PAG1: variants seen among roughly 807,000 people sequenced by gnomAD.
The protein encoded by PAG1 is phosphoprotein membrane anchor with glycosphingolipid microdomains 1, also known as phosphoprotein associated with glycosphingolipid-enriched microdomains 1.
In PAG1, 23 loss-of-function variants were observed where a neutral mutation model predicts 31.7. The ratio of observed to expected loss-of-function variants is 0.73; its 90% CI spans 0.52 to 1.03. PAG1 has a LOEUF of 1.03. Ranked by LOEUF, PAG1 falls within the 50% of genes least tolerant of loss-of-function variation. The pLI, the probability that PAG1 is intolerant of heterozygous loss-of-function variation, is 0.00. For synonymous variants in PAG1, 214 were observed against 210.3 expected, an observed-to-expected ratio of 1.02 and a Z score of -0.15; for missense variants, 473 against 540.7, an observed-to-expected ratio of 0.87 and a Z score of 1.24.
At chr8:81,019,162 G>C (rs1288733394) in intron 3 of PAG1, among the ~76,000 whole-genome samples, 2 of 152,142 alleles carry the variant, frequency 1.3e-5, no homozygotes, top group African/African-American at 4.8e-5. Context: ...TAGGATATCT[G>C]GTTGAAGAAA....
chr8:81,009,456 T>C (rs1807942370), intron 3 of PAG1, among the ~76,000 whole-genome samples: 1 of 152,172 alleles, frequency 6.6e-6, no homozygotes, highest in South Asian at 2.1e-4. Flanking sequence ...AAACTAACCT[T>C]AGGGACCATA....
In PAG1 at chr8:81,081,702, T is replaced by C. The variant is rs145898690; in HGVS notation, c.-233-11532A>G. On this transcript the variant is annotated intron_variant, in intron 1 of 8. Transcript: ENST00000220597. ...ACATGTAGCCATTTGGGATTGGGCT[T>C]ATTCACACAGCATGGCTCTCTGGAG... Among the ~76,000 whole-genome samples, 415 of 152,288 alleles carry C rather than the reference T, an allele frequency of 2.7e-3. 3 individuals carry two copies. The highest frequency in any genetic ancestry group is 9.6e-3 in the African/African-American group (397 of 41,558).
At chr8:81,094,080 T>G (rs1809489462) in intron 1 of PAG1, among the ~76,000 whole-genome samples, 1 of 152,172 alleles carries the variant, frequency 6.6e-6, no homozygotes, top group Non-Finnish European at 1.5e-5. Context: ...TCTCCCCAGC[T>G]GAGAGCGTGT....
intron 2 of PAG1, among the ~76,000 whole-genome samples, chr8:81,066,051 C>A (rs1454065032): frequency 6.6e-6 from 1 of 152,150 alleles, no homozygotes; most frequent in African/African-American, 2.4e-5. Context: ...AAGTGCCCAT[C>A]CTTTGGGCCA....
intron 1 of PAG1, among the ~76,000 whole-genome samples, chr8:81,078,749 T>C (rs1289644229): frequency 3.3e-5 from 5 of 152,188 alleles, no homozygotes; most frequent in Non-Finnish European, 7.4e-5. Flanking sequence ...ATGCTGCTAC[T>C]TACTGGCTGT....
chr8:81,016,385 G>A (rs1261924601), intron 3 of PAG1, among the ~76,000 whole-genome samples: 1 of 152,216 alleles, frequency 6.6e-6, no homozygotes, highest in Non-Finnish European at 1.5e-5. Flanking sequence ...TACACTCTTA[G>A]TCACTTCACT....
At chr8:81,053,213 C>G (rs1808761177) in intron 2 of PAG1, among the ~76,000 whole-genome samples, 1 of 151,974 alleles carries the variant, frequency 6.6e-6, no homozygotes, top group Non-Finnish European at 1.5e-5. Context: ...AACTTCTTAC[C>G]CTGCCAGCCA....
chr8:81,083,483 A>G (rs1472671847), intron 1 of PAG1, among the ~76,000 whole-genome samples: 1 of 151,798 alleles, frequency 6.6e-6, no homozygotes, highest in Non-Finnish European at 1.5e-5. Flanking sequence ...GCCTTGGGAC[A>G]CCCCAGCTCT....
chr8:81,074,635 T>C (rs1038311203), intron 1 of PAG1, among the ~76,000 whole-genome samples: 3 of 152,096 alleles, frequency 2.0e-5, no homozygotes, highest in African/African-American at 4.8e-5. Context: ...TTGCTGAAAA[T>C]GGCAGAATCT....
At chr8:81,043,085 T>C (rs991820005) in intron 2 of PAG1, among the ~76,000 whole-genome samples, 3 of 152,156 alleles carry the variant, frequency 2.0e-5, no homozygotes, top group Admixed American at 1.3e-4. Context: ...GTTGCCCTTT[T>C]GCTTCTGAGT....
At position 80,985,084 on chromosome 8, in the gene PAG1, C is replaced by G. The variant is rs1807388330; in HGVS notation, c.568G>C (p.Val190Leu). 2 of 1,614,138 alleles carry G rather than the reference C, an allele frequency of 1.2e-6. No individual in the cohort carries two copies. The highest frequency in any genetic ancestry group is 1.7e-6 in the Non-Finnish European group (2 of 1,180,022). ...LYETVKEIKEVAAAAHLEKGH... is the reference protein window; with the variant it reads ...LYETVKEIKELAAAAHLEKGH... ...TTCTCCAGGTGTGCAGCTGCAGCCA[C>G]CTCCTTGATCTCTTTCACAGTTTCA... Residue 190 changes from valine (V) to leucine (L), a missense_variant, in exon 7 of 9, where the codon GTG (valine) becomes CTG (leucine). Transcript: ENST00000220597.
chr8:81,060,903 T>C (rs926234295), intron 2 of PAG1, among the ~76,000 whole-genome samples: 1 of 152,244 alleles, frequency 6.6e-6, no homozygotes, highest in Non-Finnish European at 1.5e-5. Flanking sequence ...CATTTGCTTG[T>C]GTTAACCTGA....
chr8:81,088,485 A>T (rs1809396621), intron 1 of PAG1, among the ~76,000 whole-genome samples: 1 of 152,182 alleles, frequency 6.6e-6, no homozygotes, highest in South Asian at 2.1e-4. Context: ...AAATGACTAT[A>T]ATACAAATAG....
At chr8:81,029,764 C>T (rs560132317) in intron 3 of PAG1, 70 of 152,290 alleles carry the variant, frequency 4.6e-4, no homozygotes, top group African/African-American at 1.6e-3. Flanking sequence ...ACACATTTTT[C>T]GTACAGCTCA....
At chr8:80,999,281 A>G (rs1190482488) in intron 3 of PAG1, among the ~76,000 whole-genome samples, 3 of 152,162 alleles carry the variant, frequency 2.0e-5, no homozygotes, top group Admixed American at 2.0e-4. Context: ...TAAGGTACAA[A>G]GGCTTTTGCC....
chr8:81,017,102 A>G (rs1234623089), intron 3 of PAG1, among the ~76,000 whole-genome samples: 1 of 152,204 alleles, frequency 6.6e-6, no homozygotes, highest in Non-Finnish European at 1.5e-5. Context: ...ACTATCAATC[A>G]CAGAATCAAG....
chr8:81,025,501 G>A (rs1489872492), intron 3 of PAG1, among the ~76,000 whole-genome samples: 1 of 152,146 alleles, frequency 6.6e-6, no homozygotes, highest in African/African-American at 2.4e-5. Context: ...CATGGCAGTG[G>A]GGAGGGAGGA....
chr8:80,984,344 G>A (rs1396854427), intron 7 of PAG1, among the ~76,000 whole-genome samples: 5 of 152,174 alleles, frequency 3.3e-5, no homozygotes, highest in Non-Finnish European at 7.3e-5. Context: ...AGGGGCACCT[G>A]TGAGTTGGTT....
intron 3 of PAG1, among the ~76,000 whole-genome samples, chr8:80,999,966 C>T (rs1228249157): frequency 6.6e-6 from 1 of 152,126 alleles, no homozygotes; most frequent in South Asian, 2.1e-4. Flanking sequence ...AAGTACGTAT[C>T]ACATGCACTC....
Sources: allele counts gnomAD v4.1 joint callset (sites outside exome capture counted in the v4.1 genomes callset), GRCh38; gene constraint gnomAD v4.1.1; transcripts MANE v1.5; gene names NCBI Gene and HGNC (gene_info 2026-07-23, HGNC 2026-07-21).